The following FBXO16 variants were observed in gnomAD, a reference collection of about 807,000 sequenced individuals.
The protein encoded by FBXO16 is F-box protein 16.
In FBXO16, 31 loss-of-function variants were observed where a neutral mutation model predicts 41.0. That is an observed-to-expected ratio of 0.76 (90% CI 0.57 to 1.02). FBXO16 has a LOEUF of 1.02. FBXO16 is among the 50% of genes least tolerant of loss of function. FBXO16 has a pLI of 0.00. For synonymous variants in FBXO16, 133 were observed against 117.8 expected (o/e 1.13, Z -0.84); for missense variants, 361 against 346.2 (o/e 1.04, Z -0.34).
intron 6 of FBXO16, among the ~76,000 whole-genome samples, chr8:28,451,613 G>A (rs1044218009): frequency 4.6e-5 from 7 of 151,784 alleles, no homozygotes; most frequent in African/African-American, 1.7e-4. Flanking sequence ...CTTACCATCA[G>A]AAAAGGGAGT....
chr8:28,457,449 C>T (rs972281316), intron 4 of FBXO16, among the ~76,000 whole-genome samples: 5 of 152,050 alleles, frequency 3.3e-5, no homozygotes, highest in Admixed American at 1.3e-4. Flanking sequence ...AAGAGAAAGA[C>T]GTTTAATGGA....
intron 2 of FBXO16, among the ~76,000 whole-genome samples, chr8:28,476,151 A>G (rs1004535406): frequency 2.0e-5 from 3 of 152,232 alleles, no homozygotes; most frequent in Admixed American, 6.5e-5. Flanking sequence ...GCCCACTGGA[A>G]ACAAAAGGAA....
intron 1 of FBXO16, 48 bp from the exon 2 acceptor site, chr8:28,483,510 C>T (rs1803550408): frequency 5.7e-6 from 8 of 1,397,122 alleles, no homozygotes; most frequent in South Asian, 3.5e-5. Context: ...ATCATATAAC[C>T]CTCAGAAAAC....
intron 7 of FBXO16, among the ~76,000 whole-genome samples, chr8:28,433,059 CAA>C (rs10551698): frequency 0.092 from 10,886 of 117,788 alleles, 1,375 homozygotes; most frequent in African/African-American, 0.29. Flanking sequence ...AGACTTCGTC[CAA>C]AAAAAAAAAA....
chr8:28,443,105 A>G (rs73574638), intron 7 of FBXO16, among the ~76,000 whole-genome samples: 2 of 151,772 alleles, frequency 1.3e-5, no homozygotes, highest in Admixed American at 1.3e-4. Flanking sequence ...TACAGCTTCA[A>G]ACTCCCGGGC....
Position 28,489,718 on chromosome 8 carries a change from A to AC in FBXO16, c.-17+467_-17+468insG, listed in dbSNP as rs200538078. Among the ~76,000 whole-genome samples, 658 of 150,990 alleles carry AC rather than the reference A, an allele frequency of 4.4e-3. 23 individuals are homozygous for AC. The East Asian group carries it at 0.083, about 19-fold the overall frequency. ...CTGTCTCAAAAAACAAAAACCAACA[A>AC]AAAAAAAAAAACCCTTGTAGAATTG... On this transcript the variant is annotated intron_variant, in intron 1 of 8. Coordinates refer to ENST00000380254, the MANE Select transcript of FBXO16 (RefSeq NM_172366.4).
At position 28,454,655 on chromosome 8, in the gene FBXO16, G is replaced by A. The variant is rs190157929; in HGVS notation, c.507+2111C>T. Among the ~76,000 whole-genome samples, 1,419 of 149,802 alleles carry A rather than the reference G, an allele frequency of 9.5e-3. 46 individuals carry two copies. The highest frequency in any genetic ancestry group is 0.033 in the African/African-American group (1,331 of 40,066). On this transcript the variant is annotated intron_variant, in intron 5 of 8. Transcript: ENST00000380254. ...AGGAAGGAGAATGGCGTGAGCCCGG[G>A]AGGCGGAGCTTGCAGTGAGCCGAGA...
intron 5 of FBXO16, 79 bp downstream of exon 5, chr8:28,456,687 G>C (rs1283743684): frequency 6.5e-5 from 98 of 1,518,626 alleles, no homozygotes; most frequent in Non-Finnish European, 8.7e-5. Flanking sequence ...CCAACTTCCA[G>C]TCTGATCCTT....
rs1013157880 is a variant in FBXO16 at position 28,480,314 on chromosome 8, C to T, written c.99+3034G>A. Among the ~76,000 whole-genome samples the T allele has an allele frequency of 2.0e-5, 3 of 152,084 alleles. No individual in the cohort carries two copies. The East Asian group carries it at 5.8e-4, about 29-fold the overall frequency. ...TTGACTAGAAATAGAAGGTACTGAG[C>T]AGGAGGGTTCAGGTTTGATGACGGC... On this transcript the variant is annotated intron_variant, in intron 2 of 8. Coordinates refer to ENST00000380254, the MANE Select transcript of FBXO16 (RefSeq NM_172366.4).
chr8:28,444,779 CTTTTTTTTTT>C (rs71549666), intron 7 of FBXO16, among the ~76,000 whole-genome samples: 13 of 30,826 alleles, frequency 4.2e-4, no homozygotes, highest in Non-Finnish European at 6.1e-4. Flanking sequence ...CGCGCCCGGA[CTTTTTTTTTT>C]TTTTTTTTTT....
At chr8:28,477,982 C>A (rs1260794891) in intron 2 of FBXO16, among the ~76,000 whole-genome samples, 1 of 152,156 alleles carries the variant, frequency 6.6e-6, no homozygotes, top group Admixed American at 6.6e-5. Flanking sequence ...CACTGTACTC[C>A]AGCCTGGGTG....
At chr8:28,430,844 T>C (rs985971154) in intron 7 of FBXO16, among the ~76,000 whole-genome samples, 2 of 151,944 alleles carry the variant, frequency 1.3e-5, no homozygotes. Context: ...TGGTGGTGGG[T>C]GCCTGTAATC....
Position 28,428,730 on chromosome 8 carries a change from G to C in FBXO16, c.876C>G (p.Pro292=), listed in dbSNP as rs1802563934. 1.3e-6 allele frequency: 2 copies of C among 1,548,100 alleles called. No individual in the cohort carries two copies. Among genetic ancestry groups the C allele is most frequent in the Non-Finnish European group, 1.7e-6 (2 of 1,151,260 alleles). ...ACTTTTAGGGGAGAGCTGGCACTTA[G>C]GGACATCTAGAAAGGAAAAAGGAAT... ...MSRRNPFPLC[P] is the part of the protein sequence containing the mutation. Residue 292 remains proline (P), a synonymous_variant, in exon 9 of 9, where the codon CCC becomes CCG. Transcript: ENST00000380254.
At chr8:28,458,420 A>G (rs1396063571) in intron 4 of FBXO16, among the ~76,000 whole-genome samples, 1 of 152,156 alleles carries the variant, frequency 6.6e-6, no homozygotes, top group African/African-American at 2.4e-5. Flanking sequence ...GAAACGAAAC[A>G]ACACCCACCT....
intron 4 of FBXO16, among the ~76,000 whole-genome samples, chr8:28,462,738 G>A (rs1308166232): frequency 3.3e-5 from 5 of 152,080 alleles, no homozygotes; most frequent in African/African-American, 4.8e-5. Flanking sequence ...CTTTAATACA[G>A]GACAGAATTA....
intron 7 of FBXO16, among the ~76,000 whole-genome samples, chr8:28,434,729 C>T (rs1802661286): frequency 1.3e-5 from 2 of 152,236 alleles, no homozygotes; most frequent in Admixed American, 1.3e-4. Context: ...AGCAGGGGTG[C>T]CCTGTCTACT....
At chr8:28,435,410 G>C (rs901877848) in intron 7 of FBXO16, among the ~76,000 whole-genome samples, 7 of 152,114 alleles carry the variant, frequency 4.6e-5, no homozygotes, top group African/African-American at 1.7e-4. Context: ...CTGACCTCAG[G>C]TGATCTGCCC....
At chr8:28,466,190 T>C (rs529809627) in intron 3 of FBXO16, among the ~76,000 whole-genome samples, 2 of 152,050 alleles carry the variant, frequency 1.3e-5, no homozygotes, top group Admixed American at 6.6e-5. Context: ...GGAGTGCTAT[T>C]GCACTCCAGC....
chr8:28,459,835 T>G (rs1438931188), intron 4 of FBXO16, among the ~76,000 whole-genome samples: 2 of 151,830 alleles, frequency 1.3e-5, no homozygotes, highest in African/African-American at 2.4e-5. Context: ...GAGACCAGCC[T>G]GGCCAACATG....
Sources: gnomAD v4.1 joint callset for allele counts (sites outside exome capture counted in the v4.1 genomes callset) on GRCh38, gnomAD v4.1.1 for gene constraint, MANE v1.5 for transcripts, NCBI Gene and HGNC (gene_info 2026-07-23, HGNC 2026-07-21) for gene names.